Variants in TNIK observed in about 807,000 individuals in gnomAD.
The protein encoded by TNIK is TRAF2 and NCK interacting kinase, also known as TRAF2 and NCK-interacting protein kinase.
In TNIK, 49 loss-of-function variants were observed where a neutral mutation model predicts 191.3. The ratio of observed to expected loss-of-function variants is 0.26; its 90% CI spans 0.20 to 0.32. The LOEUF is 0.32. Ranked by LOEUF, TNIK falls within the 10% of genes least tolerant of loss-of-function variation. The pLI is 1.00. For missense variants in TNIK, 1,155 were observed against 1,702.3 expected (o/e 0.68, Z 5.66); for synonymous variants, 594 against 600.9 (o/e 0.99, Z 0.17).
intron 1 of TNIK, among the ~76,000 whole-genome samples, chr3:171,452,280 T>C (rs985880323): frequency 1.1e-4 from 16 of 152,194 alleles, no homozygotes; most frequent in Admixed American, 7.9e-4. Flanking sequence ...TCCCAGCTCA[T>C]TGAGGTGCAC....
chr3:171,182,167 A>ATT (rs749734562), intron 7 of TNIK, among the ~76,000 whole-genome samples: 1,264 of 65,582 alleles, frequency 0.019, 70 homozygotes, highest in Non-Finnish European at 0.03. Context: ...CATTGTTAGG[A>ATT]TTTTTTTTTT....
intron 4 of TNIK, among the ~76,000 whole-genome samples, chr3:171,197,372 C>A (rs1259015133): frequency 3.3e-5 from 5 of 151,448 alleles, no homozygotes; most frequent in African/African-American, 1.2e-4. Context: ...ACAACAAATG[C>A]ACAAGCACCA....
At chr3:171,459,380 C>G (rs2108751352) in intron 1 of TNIK, among the ~76,000 whole-genome samples, 1 of 152,274 alleles carries the variant, frequency 6.6e-6, no homozygotes, top group South Asian at 2.1e-4. Context: ...TGAGTTAAAG[C>G]CATAAATAAA....
Position 171,235,111 on chromosome 3 carries a change from G to A in TNIK, c.124-6890C>T, listed in dbSNP as rs981699696. ...GGCTGGAGTACAGTGGCGCTGTCTC[G>A]GCCCACTGCAATCTCCACCTCCTGG... On this transcript the variant is annotated intron_variant, in intron 2 of 32. Coordinates refer to ENST00000436636, the MANE Select transcript of TNIK (RefSeq NM_015028.4). Among the ~76,000 whole-genome samples, 10 of 151,990 alleles carry A rather than the reference G, an allele frequency of 6.6e-5. No individual in the cohort carries two copies. In the South Asian group the frequency reaches 1.5e-3, roughly 22 times the overall value.
intron 2 of TNIK, among the ~76,000 whole-genome samples, chr3:171,352,848 C>T (rs967907237): frequency 6.6e-6 from 1 of 152,132 alleles, no homozygotes; most frequent in Non-Finnish European, 1.5e-5. Flanking sequence ...CAAGTCTCCT[C>T]TCTGAAAACT....
At chr3:171,285,941 G>C (rs1459817387) in intron 2 of TNIK, among the ~76,000 whole-genome samples, 1 of 151,964 alleles carries the variant, frequency 6.6e-6, no homozygotes, top group Non-Finnish European at 1.5e-5. Flanking sequence ...TGGCTATTCT[G>C]GAATTTGATC....
intron 2 of TNIK, among the ~76,000 whole-genome samples, chr3:171,284,410 C>G: frequency 6.6e-6 from 1 of 152,124 alleles, no homozygotes; most frequent in Non-Finnish European, 1.5e-5. Context: ...GCCTTCTCAA[C>G]CAACTTCACA....
intron 22 of TNIK, among the ~76,000 whole-genome samples, chr3:171,098,471 G>T (rs1265214520): frequency 6.6e-6 from 1 of 152,096 alleles, no homozygotes; most frequent in East Asian, 1.9e-4. Context: ...ACTGCAACTG[G>T]TTAGTTGGGG....
intron 18 of TNIK, among the ~76,000 whole-genome samples, chr3:171,120,361 C>T (rs536767465): frequency 1.4e-5 from 2 of 145,112 alleles, no homozygotes; most frequent in Non-Finnish European, 3.0e-5. Flanking sequence ...TGCTCTGTTG[C>T]CCAGGCTGGA....
chr3:171,161,142 G>T, intron 11 of TNIK, 128 bp downstream of exon 11: 1 of 834,224 alleles, frequency 1.2e-6, no homozygotes, highest in Non-Finnish European at 1.8e-6. Context: ...ATGTTCATGG[G>T]CAATAAATTA....
intron 1 of TNIK, among the ~76,000 whole-genome samples, chr3:171,416,252 T>C (rs2108617301): frequency 1.3e-5 from 2 of 152,192 alleles, no homozygotes; most frequent in East Asian, 3.9e-4. Context: ...TGACATCATG[T>C]GCCCCTAATC....
chr3:171,246,861 GCAAC>G (rs1745649051), intron 2 of TNIK, among the ~76,000 whole-genome samples: 1 of 152,162 alleles, frequency 6.6e-6, no homozygotes, highest in African/African-American at 2.4e-5. Flanking sequence ...GTTCCACAGA[GCAAC>G]CAACTCAGAC....
intron 10 of TNIK, among the ~76,000 whole-genome samples, chr3:171,163,179 G>A (rs1021484827): frequency 2.6e-5 from 4 of 152,190 alleles, no homozygotes; most frequent in African/African-American, 9.6e-5. Context: ...GACAAAGGCT[G>A]GCAGGGATGA....
rs1576866127 is a variant in TNIK at position 171,060,175 on chromosome 3, C to T, written c.*3706G>A. Among the ~76,000 whole-genome samples, 2 of 152,246 alleles carry T rather than the reference C, an allele frequency of 1.3e-5. No individual in the cohort carries two copies. Among genetic ancestry groups the T allele is most frequent in the Non-Finnish European group, 1.5e-5 (1 of 68,018 alleles). On this transcript the variant is annotated 3_prime_UTR_variant, in exon 33 of 33. Transcript: ENST00000436636. Reference sequence around the variant, plus strand: ...AAGAATACAGTGACGGGAACTGGTACACATAGTAGTAGGGAAAGCATTTTT... The same window carrying T: ...AAGAATACAGTGACGGGAACTGGTATACATAGTAGTAGGGAAAGCATTTTT...
At chr3:171,192,173 G>C (rs1481728232) in intron 5 of TNIK, among the ~76,000 whole-genome samples, 1 of 152,184 alleles carries the variant, frequency 6.6e-6, no homozygotes, top group Non-Finnish European at 1.5e-5. Flanking sequence ...CACTGGTTTA[G>C]GTCTTAAAAA....
chr3:171,404,170 G>A (rs1234766841), intron 1 of TNIK, among the ~76,000 whole-genome samples: 1 of 152,156 alleles, frequency 6.6e-6, no homozygotes. Context: ...TTTAATGGGG[G>A]CTCTATGAGA....
In TNIK at chr3:171,382,632, T is replaced by C. The variant is rs538913898; in HGVS notation, c.58-12947A>G. Among the ~76,000 whole-genome samples, 8 of 152,330 alleles carry C rather than the reference T, an allele frequency of 5.3e-5. No homozygotes were observed. In the South Asian group the frequency reaches 1.5e-3, roughly 28 times the overall value. On this transcript the variant is annotated intron_variant, in intron 1 of 32. Transcript: ENST00000436636. ...TTTACTTTGGCTAATAAAGTGTGCA[T>C]GGAAGTGATGTTCCACTTCCAGATG...
intron 4 of TNIK, among the ~76,000 whole-genome samples, chr3:171,200,248 T>C (rs947342667): frequency 7.2e-6 from 1 of 139,832 alleles, no homozygotes; most frequent in African/African-American, 2.6e-5. Flanking sequence ...TGCATACCAC[T>C]TGAGAAGAAA....
chr3:171,319,580 G>A (rs1236717608), intron 2 of TNIK, among the ~76,000 whole-genome samples: 2 of 152,076 alleles, frequency 1.3e-5, no homozygotes, highest in Admixed American at 6.6e-5. Context: ...TTAGTTGACC[G>A]GGTAACTGGC....
Sources: allele counts gnomAD v4.1 joint callset (sites outside exome capture counted in the v4.1 genomes callset), GRCh38; gene constraint gnomAD v4.1.1; transcripts MANE v1.5; gene names NCBI Gene and HGNC (gene_info 2026-07-23, HGNC 2026-07-21).